PIK3C3: variants seen among roughly 807,000 people sequenced by gnomAD.
PIK3C3 encodes phosphatidylinositol 3-kinase catalytic subunit type 3.
A neutral mutation model predicts 126.1 loss-of-function variants in PIK3C3; 95 were observed. That is an observed-to-expected ratio of 0.75 (90% CI 0.64 to 0.89). The LOEUF (loss-of-function observed/expected upper bound fraction) is 0.89, where lower values mean the gene tolerates loss of function less well. PIK3C3 is among the 40% of genes least tolerant of loss of function. The probability of loss-of-function intolerance (pLI) is 0.00; values close to 1 mark genes in which losing one functional copy is unlikely to be tolerated. For missense variants in PIK3C3, 829 were observed against 1,063.2 expected (o/e 0.78, Z 3.06); for synonymous variants, 374 against 360.0 (o/e 1.04, Z -0.44).
chr18:42,062,513 ATTC>A (rs561587253), intron 22 of PIK3C3, among the ~76,000 whole-genome samples: 2 of 152,172 alleles, frequency 1.3e-5, no homozygotes, highest in South Asian at 2.1e-4. Flanking sequence ...GCCCAAGACA[ATTC>A]TTCTTCCACT....
At chr18:41,966,759 A>G (rs1436881105) in intron 3 of PIK3C3, among the ~76,000 whole-genome samples, 2 of 152,198 alleles carry the variant, frequency 1.3e-5, no homozygotes, top group East Asian at 3.9e-4. Flanking sequence ...TCTGTTTTCC[A>G]TAGTCAGATA....
In PIK3C3 at chr18:41,957,635, A is replaced by C. The variant is rs1387295591; in HGVS notation, c.134A>C (p.Lys45Thr). ...GCTGTCCTGGAAGACCCAATGTTGA[A>C]GTTCTCAGGACTATATCAAGAGACA... ...YKAVLEDPML[K>T]FSGLYQETCS... is the part of the protein sequence containing the mutation. Residue 45 changes from lysine (K) to threonine (T), a missense_variant, in exon 2 of 25, where the codon AAG becomes ACG. Coordinates refer to ENST00000262039, the MANE Select transcript of PIK3C3 (RefSeq NM_002647.4). 6.2e-7 allele frequency: 1 copy of C among 1,613,016 alleles called. No homozygotes were observed. The highest frequency in any genetic ancestry group is 2.2e-5 in the East Asian group (1 of 44,846).
intron 21 of PIK3C3, among the ~76,000 whole-genome samples, chr18:42,054,150 A>ATATATC (rs1984939588): frequency 4.3e-5 from 1 of 23,136 alleles, no homozygotes; most frequent in Non-Finnish European, 7.4e-5. Flanking sequence ...ATATATATAT[A>ATATATC]TATATATATA....
intron 6 of PIK3C3, 162 bp downstream of exon 6, chr18:41,990,716 A>G: frequency 3.6e-6 from 2 of 555,946 alleles, no homozygotes; most frequent in East Asian, 2.9e-5. Flanking sequence ...TCATATAACT[A>G]CAACAAGATT....
intron 4 of PIK3C3, among the ~76,000 whole-genome samples, chr18:41,981,932 C>T (rs553536045): frequency 1.3e-5 from 2 of 151,618 alleles, no homozygotes; most frequent in South Asian, 4.2e-4. Flanking sequence ...TGTGGTGAGC[C>T]GAGATCACGC....
chr18:42,049,505 C>CAT (rs1191452156), intron 20 of PIK3C3, 26 bp from the exon 21 acceptor site: 1 of 1,582,638 alleles, frequency 6.3e-7, no homozygotes, highest in Non-Finnish European at 8.7e-7. Flanking sequence ...TTTGTTTTCA[C>CAT]ATATTTTTTT....
Position 42,037,774 on chromosome 18 carries a change from TA to T in PIK3C3, c.1923del (p.Leu641PhefsTer25). 1 of 1,612,598 alleles carries T rather than the reference TA, an allele frequency of 6.2e-7. No homozygotes were observed. Among genetic ancestry groups the T allele is most frequent in the Non-Finnish European group, 8.5e-7 (1 of 1,178,874 alleles). The stretch of plus-strand genomic sequence containing the variant: ...GTTATATTTAAGCATGGAGATGATT[TA>T]CGTCAAGATCAACTTATTCTTCAAA... ...YPVIFKHGDDLRQDQLILQII... is the reference protein window; with the variant it reads ...YPVIFKHGDDXRQDQLILQII... On this transcript the variant is annotated frameshift_variant, in exon 17 of 25. Coordinates refer to ENST00000262039, the MANE Select transcript of PIK3C3 (RefSeq NM_002647.4). LOFTEE classifies it high-confidence loss of function.
At chr18:41,965,758 G>A (rs1048859724) in intron 3 of PIK3C3, among the ~76,000 whole-genome samples, 4 of 152,064 alleles carry the variant, frequency 2.6e-5, no homozygotes, top group South Asian at 4.2e-4. Context: ...GTAATTCTGT[G>A]TATATCCCAG....
In PIK3C3 at chr18:42,069,162, C is replaced by T. The variant is rs1239738830; in HGVS notation, c.2649+1649C>T. On this transcript the variant is annotated intron_variant, in intron 24 of 24. Coordinates refer to ENST00000262039, the MANE Select transcript of PIK3C3 (RefSeq NM_002647.4). ...CAATAAAAAGGTGTTTTTCCCTGAA[C>T]ACCAGTCTTGATCATATTTTTATTA... Among the ~76,000 whole-genome samples the T allele has an allele frequency of 2.6e-5, 4 of 152,076 alleles. No homozygotes were observed. In the East Asian group the frequency reaches 7.7e-4, roughly 29 times the overall value.
rs921899797 is a variant in PIK3C3, at chr18:41,995,886, G to A, written c.787-4G>A. The A allele has an allele frequency of 5.6e-6, 9 of 1,596,176 alleles. No homozygotes were observed. The highest frequency in any genetic ancestry group is 2.7e-5 in the African/African-American group (2 of 74,488). On this transcript the variant is annotated splice_region_variant and splice_polypyrimidine_tract_variant and intron_variant, in intron 7 of 24. Transcript: ENST00000262039. Reference sequence around the variant, plus strand: ...CATTGTCAATATTTTAAAATAATTTGTAGGAGAATTTAGTTGAGAGCAAAC... The same window carrying A: ...CATTGTCAATATTTTAAAATAATTTATAGGAGAATTTAGTTGAGAGCAAAC...
intron 19 of PIK3C3, 81 bp downstream of exon 19, chr18:42,040,822 A>C (rs1984280050): frequency 2.3e-6 from 2 of 885,224 alleles, no homozygotes. Flanking sequence ...TAGAGTTAAA[A>C]ATGAAAGTCT....
At chr18:42,004,281 TG>T in intron 9 of PIK3C3, 74 bp from the exon 10 acceptor site, 1 of 1,120,594 alleles carries the variant, frequency 8.9e-7, no homozygotes, top group Non-Finnish European at 1.3e-6. Flanking sequence ...TAGGACCTAG[TG>T]GAACTCTGCC....
chr18:42,068,420 A>T (rs1310794091), intron 24 of PIK3C3, among the ~76,000 whole-genome samples: 1 of 152,090 alleles, frequency 6.6e-6, no homozygotes. Context: ...TGCTGCTGTC[A>T]TTTCTTCAGC....
intron 21 of PIK3C3, among the ~76,000 whole-genome samples, chr18:42,056,852 T>C (rs147904790): frequency 6.6e-6 from 1 of 152,258 alleles, no homozygotes; most frequent in East Asian, 1.9e-4. Context: ...TTCCAGTGGG[T>C]ACTGAAGTTG....
intron 2 of PIK3C3, among the ~76,000 whole-genome samples, chr18:41,962,197 G>GT (rs1246587639): frequency 5.3e-5 from 8 of 152,102 alleles, no homozygotes; most frequent in African/African-American, 1.9e-4. Context: ...AGGTTGAAAT[G>GT]TTTTCCCAGG....
chr18:42,072,686 C>T (rs188159603), intron 24 of PIK3C3, among the ~76,000 whole-genome samples: 1 of 152,180 alleles, frequency 6.6e-6, no homozygotes, highest in East Asian at 1.9e-4. Context: ...CATGCACCAC[C>T]ATACCCAGCT....
chr18:42,010,268 C>G (rs1567981810), intron 10 of PIK3C3, among the ~76,000 whole-genome samples: 1 of 152,204 alleles, frequency 6.6e-6, no homozygotes, highest in Non-Finnish European at 1.5e-5. Context: ...CAAGTTTTAG[C>G]ATGAGATTGC....
intron 2 of PIK3C3, among the ~76,000 whole-genome samples, chr18:41,962,186 C>T (rs1197372917): frequency 6.6e-6 from 1 of 151,912 alleles, no homozygotes; most frequent in African/African-American, 2.4e-5. Flanking sequence ...AAAGTTCTAA[C>T]AGGTTGAAAT....
intron 14 of PIK3C3, among the ~76,000 whole-genome samples, chr18:42,028,853 CT>C (rs1983691999): frequency 6.6e-6 from 1 of 152,118 alleles, no homozygotes; most frequent in Non-Finnish European, 1.5e-5. Context: ...GTTTTTATGA[CT>C]TATATTTTAA....
Sources: allele counts gnomAD v4.1 joint callset (sites outside exome capture counted in the v4.1 genomes callset), GRCh38; gene constraint gnomAD v4.1.1; transcripts MANE v1.5; gene names NCBI Gene and HGNC (gene_info 2026-07-23, HGNC 2026-07-21).